COL1A1: variants seen among roughly 807,000 people sequenced by gnomAD.
COL1A1 encodes collagen type I alpha 1 chain, also known as collagen alpha-1(I) chain.
A neutral mutation model predicts 195.7 loss-of-function variants in COL1A1; 21 were observed. The observed-to-expected ratio is 0.11, with a 90% CI of 0.08 to 0.15. The LOEUF (loss-of-function observed/expected upper bound fraction) is 0.15, where lower values mean the gene tolerates loss of function less well. COL1A1 is among the 10% of genes least tolerant of loss of function. The pLI, the probability that COL1A1 is intolerant of heterozygous loss-of-function variation, is 1.00. For synonymous variants in COL1A1, 749 were observed against 747.3 expected (o/e 1.00, Z -0.04); for missense variants, 1,365 against 2,051.0 (o/e 0.67, Z 6.46).
Position 50,194,466 on chromosome 17 carries a change from A to C in COL1A1, c.1516-19T>G, listed in dbSNP as rs1276370633. 1 of 1,613,810 alleles carries C rather than the reference A, an allele frequency of 6.2e-7. No homozygotes were observed. Among genetic ancestry groups the C allele is most frequent in the Non-Finnish European group, 8.5e-7 (1 of 1,179,744 alleles). On this transcript the variant is annotated intron_variant, in intron 22 of 50. Transcript: ENST00000225964. The surrounding 1 kb of genome is among the most constrained non-coding windows in gnomAD (Gnocchi z 6.8). ...CGGGACCCTGGTTGGGGGAAGTCAC[A>C]GGAACAGTTAGGGTCTCAAGTTTGT... is the stretch of plus-strand genomic sequence containing the variant.
At chr17:50,200,572 C>T (rs1038841956) in intron 1 of COL1A1, among the ~76,000 whole-genome samples, 2 of 152,236 alleles carry the variant, frequency 1.3e-5, no homozygotes, top group Non-Finnish European at 2.9e-5. Flanking sequence ...CCAGCCAATG[C>T]CTCCAGGTCA....
rs199911681 is a variant in COL1A1 at position 50,186,473 on chromosome 17, G to T, written c.3849C>A (p.Asn1283Lys). Residue 1283 changes from asparagine (N) to lysine (K), a missense_variant, in exon 49 of 51, where the codon AAC becomes AAA. Asn to Lys is a moderately conservative substitution (Grantham distance 94). Coordinates refer to ENST00000225964, the MANE Select transcript of COL1A1 (RefSeq NM_000088.4). This position sits in a 1 kb window ranked among gnomAD's most constrained non-coding sequence, Gnocchi z 5.3. ...TGCAGAAGACTTTGATGGCATCCAGGTTGCAGCCTTGGTTGGGGTCAATCC... is the reference window on the plus strand; with the variant it reads ...TGCAGAAGACTTTGATGGCATCCAGTTTGCAGCCTTGGTTGGGGTCAATCC... ...EYWIDPNQGC[N>K]LDAIKVFCNM... The T allele has an allele frequency of 4.2e-5, 68 of 1,614,188 alleles. No homozygotes were observed. In the African/African-American group the frequency reaches 6.5e-4, roughly 16 times the overall value.
intron 7 of COL1A1, 67 bp from the exon 8 acceptor site, chr17:50,198,069 A>G: frequency 6.2e-7 from 1 of 1,607,648 alleles, no homozygotes; most frequent in Non-Finnish European, 8.5e-7. Flanking sequence ...TCTTACCAAG[A>G]GATCTCTGAG....
Position 50,186,136 on chromosome 17 carries a change from G to A in COL1A1, c.4006-116C>T. On this transcript the variant is annotated intron_variant, in intron 49 of 50. Coordinates refer to ENST00000225964, the MANE Select transcript of COL1A1 (RefSeq NM_000088.4). The surrounding 1 kb of genome is among the most constrained non-coding windows in gnomAD (Gnocchi z 5.3). ...GCCCAATGCACCGTTATATCGAGAG[G>A]AGGCACCACCTGCCCATCGGCAGCC... The A allele has an allele frequency of 3.2e-6, 5 of 1,545,574 alleles. No individual in the cohort carries two copies. The South Asian group carries it at 3.4e-5, about 11-fold the overall frequency.
chr17:50,191,234 C>T (rs1484245726), intron 32 of COL1A1, 149 bp downstream of exon 32: 66 of 799,852 alleles, frequency 8.3e-5, no homozygotes, highest in Non-Finnish European at 1.3e-4. Context: ...GAGGATTCAT[C>T]AGCAAAAAGG....
At position 50,194,543 on chromosome 17, in the gene COL1A1, G is replaced by A. The variant is rs41316653; in HGVS notation, c.1515+30C>T. 155 of 1,607,666 alleles carry A rather than the reference G, an allele frequency of 9.6e-5. No homozygotes were observed. Among genetic ancestry groups the A allele is most frequent in the Non-Finnish European group, 1.3e-4 (149 of 1,177,166 alleles). ...AAGAAGATGCCCAGGGAGCGGCAGGGTCAGCCCCCCGGCCGCAAGGAGAGG... is the reference window on the plus strand; with the variant it reads ...AAGAAGATGCCCAGGGAGCGGCAGGATCAGCCCCCCGGCCGCAAGGAGAGG... On this transcript the variant is annotated intron_variant, in intron 22 of 50. Transcript: ENST00000225964. The surrounding 1 kb of genome is among the most constrained non-coding windows in gnomAD (Gnocchi z 6.8).
In COL1A1 at chr17:50,190,395, G is replaced by A. The variant is rs1906976772; in HGVS notation, c.2398-15C>T. 3 of 1,611,850 alleles carry A rather than the reference G, an allele frequency of 1.9e-6. No individual in the cohort carries two copies. Among genetic ancestry groups the A allele is most frequent in the South Asian group, 2.2e-5 (2 of 91,032 alleles). ...CCACGGTCTCCCTAGAAGAAAAGGA[G>A]TCAGATTGGAGAGATGCGCTGACAG... On this transcript the variant is annotated splice_polypyrimidine_tract_variant and intron_variant, in intron 34 of 50. Transcript: ENST00000225964. The surrounding 1 kb of genome is among the most constrained non-coding windows in gnomAD (Gnocchi z 4.7).
At chr17:50,192,766 C>T (rs1907208612) in intron 27 of COL1A1, 31 bp downstream of exon 27, 3 of 1,613,992 alleles carry the variant, frequency 1.9e-6, no homozygotes, top group Non-Finnish European at 2.5e-6. Flanking sequence ...CCCTTTTCTG[C>T]TCCCCAGATC....
intron 32 of COL1A1, 124 bp from the exon 33 acceptor site, chr17:50,191,048 G>T: frequency 1.1e-6 from 1 of 931,584 alleles, no homozygotes. Context: ...CCTGGGCCAA[G>T]GACTCAAAGA....
Position 50,191,431 on chromosome 17 carries a change from C to T in COL1A1, c.2187G>A (p.Met729Ile). 1.9e-6 allele frequency: 3 copies of T among 1,614,090 alleles called. No individual in the cohort carries two copies. The highest frequency in any genetic ancestry group is 2.2e-5 in the South Asian group (2 of 91,080). The change falls in exon 32 of 51, where the codon ATG becomes ATA. Residue 729 changes from methionine to isoleucine, a missense_variant. Physicochemically the swap from Met to Ile is conservative, Grantham distance 10 (BLOSUM62 1). This residue lies in a region of COL1A1 where 671 missense variants were observed against 1,099.9 expected (regional missense o/e 0.61). Coordinates refer to ENST00000225964, the MANE Select transcript of COL1A1 (RefSeq NM_000088.4). ...GSQGAPGLQG[M>I]PGERGAAGLP... ...GACCAGCTGCACCACGTTCACCAGG[C>T]ATTCCCTGAAGGCCAGGGGCGCCCT... is the stretch of plus-strand genomic sequence containing the variant.
chr17:50,185,488 G>C lies in COL1A1; in HGVS notation c.*14C>G. The C allele has an allele frequency of 6.2e-7, 1 of 1,613,788 alleles. No individual in the cohort carries two copies. The highest frequency in any genetic ancestry group is 8.5e-7 in the Non-Finnish European group (1 of 1,179,968). On this transcript the variant is annotated 3_prime_UTR_variant, in exon 51 of 51. Coordinates refer to ENST00000225964, the MANE Select transcript of COL1A1 (RefSeq NM_000088.4). ...TGGTTGGGTGGGAGGGAGCCAGGTT[G>C]GGATGGAGGGAGTTTACAGGAAGCA...
chr17:50,188,144 A>C lies in COL1A1; in HGVS notation c.3213T>G (p.Pro1071=). 1 of 1,560,728 alleles carries C rather than the reference A, an allele frequency of 6.4e-7. No individual in the cohort carries two copies. The highest frequency in any genetic ancestry group is 8.7e-7 in the Non-Finnish European group (1 of 1,151,128). ...GKSGDRGETG[P]AGPAGPVGPV... is the part of the protein sequence containing the mutation. ...GGCCGACAGGACCGGCGGGACCAGC[A>C]GGACCCTGGGGAGAGCAAGGAAAGC... Residue 1071 remains proline, a synonymous_variant, in exon 44 of 51, where the codon CCT becomes CCG. Transcript: ENST00000225964. The surrounding 1 kb of genome is among the most constrained non-coding windows in gnomAD (Gnocchi z 5.6).
chr17:50,189,286 C>A lies in COL1A1; in HGVS notation c.2830-11G>T. ...AGTACCAGGAGCACCCTTTGGGAGG[C>A]AAACAGGGGTGAGGTGCCAGAGAGC... On this transcript the variant is annotated splice_polypyrimidine_tract_variant and intron_variant, in intron 39 of 50. Transcript: ENST00000225964. The surrounding 1 kb of genome is among the most constrained non-coding windows in gnomAD (Gnocchi z 5.5). 1 of 1,613,928 alleles carries A rather than the reference C, an allele frequency of 6.2e-7. No individual in the cohort carries two copies. Among genetic ancestry groups the A allele is most frequent in the Non-Finnish European group, 8.5e-7 (1 of 1,179,948 alleles).
rs1567760692 is a variant in COL1A1 at position 50,195,391 on chromosome 17, T to TGCAGGCG, written c.1200+36_1200+42dup. On this transcript the variant is annotated intron_variant, in intron 18 of 50. Coordinates refer to ENST00000225964, the MANE Select transcript of COL1A1 (RefSeq NM_000088.4). The surrounding 1 kb of genome is among the most constrained non-coding windows in gnomAD (Gnocchi z 4.3). ...AGCAGAGGGAAAGGGGCAGGCAGGC[T>TGCAGGCG]GCAGGCGGCAGGAGTGGGACTGAAG... 1 of 1,613,938 alleles carries TGCAGGCG rather than the reference T, an allele frequency of 6.2e-7. No individual in the cohort carries two copies. Among genetic ancestry groups the TGCAGGCG allele is most frequent in the African/African-American group, 1.3e-5 (1 of 75,000 alleles).
rs557902820 is a variant in COL1A1 at position 50,186,954 on chromosome 17, C to T, written c.3532-32G>A. 175 of 1,612,532 alleles carry T rather than the reference C, an allele frequency of 1.1e-4. No individual in the cohort carries two copies. The highest frequency in any genetic ancestry group is 4.0e-4 in the South Asian group (36 of 91,012). On this transcript the variant is annotated intron_variant, in intron 47 of 50. Transcript: ENST00000225964. This position sits in a 1 kb window ranked among gnomAD's most constrained non-coding sequence, Gnocchi z 5.3. Reference sequence around the variant, plus strand: ...AGAGAGGGAAGAGAGTGGGGATTACCGGCATCCAAGTGCTTTGGGGGCTGG... The same window carrying T: ...AGAGAGGGAAGAGAGTGGGGATTACTGGCATCCAAGTGCTTTGGGGGCTGG...
chr17:50,186,562 T>A lies in COL1A1; in HGVS notation c.3815-55A>T. Reference sequence around the variant, plus strand: ...GGGAAAGGGAGCAGCCAGCACCATATGGTAGGGGCACATATGGGCATGGGG... The same window carrying A: ...GGGAAAGGGAGCAGCCAGCACCATAAGGTAGGGGCACATATGGGCATGGGG... On this transcript the variant is annotated intron_variant, in intron 48 of 50. Transcript: ENST00000225964. This position sits in a 1 kb window ranked among gnomAD's most constrained non-coding sequence, Gnocchi z 5.3. The A allele has an allele frequency of 6.2e-7, 1 of 1,613,646 alleles. No homozygotes were observed. Among genetic ancestry groups the A allele is most frequent in the Non-Finnish European group, 8.5e-7 (1 of 1,179,776 alleles).
At chr17:50,193,645 C>A in intron 25 of COL1A1, 1 of 395,184 alleles carries the variant, frequency 2.5e-6, no homozygotes, top group Non-Finnish European at 4.8e-6. Context: ...CCACACCCAG[C>A]TAATCTTTTG....
intron 29 of COL1A1, 150 bp from the exon 30 acceptor site, chr17:50,192,174 C>G (rs1907161220): frequency 2.3e-6 from 2 of 869,422 alleles, no homozygotes; most frequent in Non-Finnish European, 3.6e-6. Flanking sequence ...AACAGCCCCT[C>G]TCTTCCTCCT....
intron 5 of COL1A1, 193 bp from the exon 6 acceptor site, chr17:50,198,697 G>C: frequency 1.6e-6 from 1 of 622,206 alleles, no homozygotes; most frequent in South Asian, 1.8e-5. Context: ...TTGAGGGACA[G>C]TCTGCAAAAC....
Sources: allele counts gnomAD v4.1 joint callset (sites outside exome capture counted in the v4.1 genomes callset), GRCh38; gene constraint gnomAD v4.1.1; regional missense constraint gnomAD v4.1.1; non-coding constraint Gnocchi (gnomAD v3.1); transcripts MANE v1.5; gene names NCBI Gene and HGNC (gene_info 2026-07-23, HGNC 2026-07-21).